The following CSMD1 variants were observed in gnomAD, a reference collection of about 807,000 sequenced individuals.
The protein encoded by CSMD1 is CUB and sushi domain-containing protein 1.
Under a neutral mutation model 417.5 loss-of-function variants are expected in CSMD1, and 213 were observed. The ratio of observed to expected loss-of-function variants is 0.51; its 90% CI spans 0.46 to 0.57. The LOEUF (loss-of-function observed/expected upper bound fraction) is 0.57, where lower values mean the gene tolerates loss of function less well. CSMD1 is among the 20% of genes least tolerant of loss of function. The probability of loss-of-function intolerance (pLI) is 0.00; values close to 1 mark genes in which losing one functional copy is unlikely to be tolerated. For synonymous variants in CSMD1, 2,862 were observed against 1,736.8 expected (o/e 1.65, Z -16.11); for missense variants, 6,923 against 4,529.7 (o/e 1.53, Z -15.17).
intron 10 of CSMD1, among the ~76,000 whole-genome samples, chr8:3,527,248 T>C (rs1797790435): frequency 6.6e-6 from 1 of 152,336 alleles, no homozygotes; most frequent in African/African-American, 2.4e-5. Flanking sequence ...TCCTAATTGG[T>C]ACAGGGCGCT....
intron 7 of CSMD1, among the ~76,000 whole-genome samples, chr8:3,618,713 T>TA (rs970192566): frequency 1.3e-5 from 2 of 151,894 alleles, no homozygotes; most frequent in Non-Finnish European, 2.9e-5. Context: ...TAAATGACAG[T>TA]AAAAAAATCT....
At chr8:4,354,954 AC>A (rs1229285345) in intron 3 of CSMD1, among the ~76,000 whole-genome samples, 2 of 150,406 alleles carry the variant, frequency 1.3e-5, no homozygotes, top group African/African-American at 4.9e-5. Flanking sequence ...ACCGAATTCC[AC>A]CCAAACCCAT....
At chr8:3,719,413 T>C (rs1217229351) in intron 6 of CSMD1, among the ~76,000 whole-genome samples, 1 of 152,170 alleles carries the variant, frequency 6.6e-6, no homozygotes, top group Non-Finnish European at 1.5e-5. Context: ...CCTAAAAGTC[T>C]AGTTTCTCAT....
At chr8:4,488,875 C>G (rs62479709) in intron 2 of CSMD1, among the ~76,000 whole-genome samples, 2 of 152,170 alleles carry the variant, frequency 1.3e-5, no homozygotes, top group Admixed American at 1.3e-4. Flanking sequence ...CGACAGAAAT[C>G]CTTTCCTGCA....
chr8:3,853,973 C>T (rs1479956095), intron 5 of CSMD1, among the ~76,000 whole-genome samples: 2 of 134,756 alleles, frequency 1.5e-5, no homozygotes, highest in Non-Finnish European at 3.2e-5. Context: ...TATATCATGT[C>T]AATATATTTA....
In CSMD1 at chr8:3,087,265, G is replaced by A. The variant is rs371234385; in HGVS notation, c.7306C>T (p.His2436Tyr). 5.0e-6 allele frequency: 8 copies of A among 1,613,870 alleles called. No individual in the cohort carries two copies. The highest frequency in any genetic ancestry group is 6.8e-6 in the Non-Finnish European group (8 of 1,179,826). ...RYAAPYCSLTHPLKNGGILNR... is the reference protein window; with the variant it reads ...RYAAPYCSLTYPLKNGGILNR... ...AGAATACCCCCATTCTTCAGGGGGT[G>A]GGTCAAACTGCAGTAAGGTGCTGTG... Residue 2436 changes from histidine to tyrosine, a missense_variant, in exon 49 of 70, where the codon CAC becomes TAC. Transcript: ENST00000635120.
intron 12 of CSMD1, among the ~76,000 whole-genome samples, chr8:3,468,228 T>C (rs1471187048): frequency 2.6e-5 from 4 of 152,240 alleles, no homozygotes; most frequent in Non-Finnish European, 5.9e-5. Flanking sequence ...TGCATTGCTA[T>C]CAGTTTTCTA....
intron 1 of CSMD1, among the ~76,000 whole-genome samples, chr8:4,906,081 A>C (rs1805253774): frequency 6.6e-6 from 1 of 152,142 alleles, no homozygotes; most frequent in South Asian, 2.1e-4. Context: ...TCACCTCTGG[A>C]GCTGACCAAT....
chr8:3,729,774 G>C (rs745326091), intron 6 of CSMD1, among the ~76,000 whole-genome samples: 9 of 151,938 alleles, frequency 5.9e-5, no homozygotes, highest in African/African-American at 1.7e-4. Context: ...AATTATTTCA[G>C]GTGATAGATA....
chr8:3,475,303 T>C (rs1301392211), intron 11 of CSMD1, among the ~76,000 whole-genome samples: 2 of 152,222 alleles, frequency 1.3e-5, no homozygotes, highest in Non-Finnish European at 2.9e-5. Flanking sequence ...CAATTTTATG[T>C]CTCTTGGCCA....
intron 26 of CSMD1, among the ~76,000 whole-genome samples, chr8:3,268,582 G>A (rs1396295786): frequency 6.6e-6 from 1 of 152,016 alleles, no homozygotes; most frequent in Non-Finnish European, 1.5e-5. Context: ...CACCGTGCCA[G>A]GCCCAGATGG....
intron 5 of CSMD1, among the ~76,000 whole-genome samples, chr8:3,958,307 T>G (rs1048820297): frequency 9.1e-6 from 1 of 109,898 alleles, no homozygotes; most frequent in East Asian, 3.6e-4. Context: ...AGTTTCATTT[T>G]TTTAAACTCT....
intron 26 of CSMD1, among the ~76,000 whole-genome samples, chr8:3,238,567 T>C (rs1002697418): frequency 6.6e-6 from 1 of 151,978 alleles, no homozygotes; most frequent in African/African-American, 2.4e-5. Flanking sequence ...GTGGGAGAGA[T>C]GAAGCTGAAG....
rs377070644 is a variant in CSMD1 at position 3,571,285 on chromosome 8, A to G, written c.1344+3660T>C. 2.6e-5 allele frequency among the ~76,000 whole-genome samples: 4 copies of G among 152,274 alleles called. No individual in the cohort carries two copies. In the South Asian group the frequency reaches 8.3e-4, roughly 32 times the overall value. On this transcript the variant is annotated intron_variant, in intron 10 of 69. Coordinates refer to ENST00000635120, the MANE Select transcript of CSMD1 (RefSeq NM_033225.6). ...GTGAATTCTAAATGTGCCTCTGCCCATTCCATGGACTTGGATGGACAGTAG... is the reference window on the plus strand; with the variant it reads ...GTGAATTCTAAATGTGCCTCTGCCCGTTCCATGGACTTGGATGGACAGTAG...
intron 3 of CSMD1, among the ~76,000 whole-genome samples, chr8:4,154,690 A>G (rs527425079): frequency 6.6e-6 from 1 of 152,228 alleles, no homozygotes; most frequent in African/African-American, 2.4e-5. Context: ...ATTCTCATTA[A>G]AAACGTACAA....
In CSMD1 at chr8:4,487,288, C is replaced by T. The variant is rs182746866; in HGVS notation, c.303-67223G>A. ...GTGCACCCATTAACTCGTCATTTAG[C>T]ATTAGGTATATCTCCTAATGCTATC... On this transcript the variant is annotated intron_variant, in intron 2 of 69. Transcript: ENST00000635120. Among the ~76,000 whole-genome samples, 4 of 152,242 alleles carry T rather than the reference C, an allele frequency of 2.6e-5. No individual in the cohort carries two copies. The East Asian group carries it at 7.7e-4, about 29-fold the overall frequency.
At chr8:4,970,596 A>G (rs4593564) in intron 1 of CSMD1, among the ~76,000 whole-genome samples, 24,716 of 151,928 alleles carry the variant, frequency 0.16, 2,251 homozygotes, top group East Asian at 0.33. Flanking sequence ...TTTTTACCAG[A>G]AATATCTCTA....
At chr8:4,311,586 G>C (rs940762617) in intron 3 of CSMD1, among the ~76,000 whole-genome samples, 3 of 151,980 alleles carry the variant, frequency 2.0e-5, no homozygotes, top group African/African-American at 4.8e-5. Context: ...AGCCAGGTGT[G>C]GTTGTGGGCG....
intron 42 of CSMD1, among the ~76,000 whole-genome samples, chr8:3,115,831 G>A (rs543040416): frequency 6.6e-6 from 1 of 152,134 alleles, no homozygotes; most frequent in South Asian, 2.1e-4. Flanking sequence ...TAAAGACATC[G>A]AGAAGTTGTT....
Sources: allele counts gnomAD v4.1 joint callset (sites outside exome capture counted in the v4.1 genomes callset), GRCh38; gene constraint gnomAD v4.1.1; transcripts MANE v1.5; gene names NCBI Gene and HGNC (gene_info 2026-07-23, HGNC 2026-07-21).